The following ZHX2 variants were observed in gnomAD, a reference collection of about 807,000 sequenced individuals.
ZHX2 encodes the protein zinc fingers and homeoboxes 2, also known as zinc fingers and homeoboxes protein 2.
In ZHX2, 6 loss-of-function variants were observed where a neutral mutation model predicts 21.9. That is an observed-to-expected ratio of 0.27 (90% CI 0.15 to 0.54). ZHX2 has a LOEUF of 0.54. Among genes scored for constraint, ZHX2 ranks in the 20% least tolerant of loss-of-function variants. The pLI is 0.95. For missense variants in ZHX2, 908 were observed against 1,090.7 expected (o/e 0.83, Z 2.36); for synonymous variants, 434 against 437.1 (o/e 0.99, Z 0.09).
intron 1 of ZHX2, among the ~76,000 whole-genome samples, chr8:122,796,391 G>GTGGGATGT (rs1210695086): frequency 6.6e-6 from 1 of 152,146 alleles, no homozygotes; most frequent in Non-Finnish European, 1.5e-5. Flanking sequence ...CAGTGGGATG[G>GTGGGATGT]TGGGATTATT....
rs147430109 is a variant in ZHX2 at position 122,953,746 on chromosome 8, G to T, written c.2236G>T (p.Val746Leu). 15 of 1,614,260 alleles carry T rather than the reference G, an allele frequency of 9.3e-6. No homozygotes were observed. Among genetic ancestry groups the T allele is most frequent in the African/African-American group, 1.3e-5 (1 of 75,070 alleles). The change falls in exon 3 of 4, where the codon GTG (valine) becomes TTG (leucine). Residue 746 changes from valine (V) to leucine (L), a missense_variant. Val to Leu is a conservative substitution (Grantham distance 32, BLOSUM62 1). Coordinates refer to ENST00000314393, the MANE Select transcript of ZHX2 (RefSeq NM_014943.5). This position sits in a 1 kb window ranked among gnomAD's most constrained non-coding sequence, Gnocchi z 4.6. ...KLCEEDLEKLVTRVKVGSEPA... is the reference protein window; with the variant it reads ...KLCEEDLEKLLTRVKVGSEPA... ...CTGCGAAGAGGACTTGGAGAAGTTG[G>T]TGACCAGGGTAAAAGTAGGCAGCGA...
intron 1 of ZHX2, among the ~76,000 whole-genome samples, chr8:122,846,149 G>A (rs1422893097): frequency 6.6e-6 from 1 of 152,172 alleles, no homozygotes; most frequent in Non-Finnish European, 1.5e-5. Context: ...GGCAGAGAGG[G>A]GAGGAGGCAT....
intron 3 of ZHX2, among the ~76,000 whole-genome samples, chr8:122,970,278 C>G (rs1379804813): frequency 6.6e-6 from 1 of 152,222 alleles, no homozygotes; most frequent in Non-Finnish European, 1.5e-5. Flanking sequence ...GAAATGTGGA[C>G]TTTGTCACCA....
chr8:122,800,588 G>A (rs988604974), intron 1 of ZHX2, among the ~76,000 whole-genome samples: 1 of 152,216 alleles, frequency 6.6e-6, no homozygotes, highest in African/African-American at 2.4e-5. Flanking sequence ...TATCCAGGAT[G>A]CAAGCACTTA....
chr8:122,957,304 A>G (rs1484846907), intron 3 of ZHX2, among the ~76,000 whole-genome samples: 1 of 151,360 alleles, frequency 6.6e-6, no homozygotes, highest in Non-Finnish European at 1.5e-5. Context: ...CACAAAAAAA[A>G]AAAAAAAAAA....
At chr8:122,879,683 C>A (rs1308104431) in intron 2 of ZHX2, among the ~76,000 whole-genome samples, 4 of 152,142 alleles carry the variant, frequency 2.6e-5, no homozygotes, top group Non-Finnish European at 4.4e-5. Flanking sequence ...TACCCCAGCC[C>A]TATTTCTACC....
chr8:122,829,394 C>G (rs1818324740), intron 1 of ZHX2, among the ~76,000 whole-genome samples: 1 of 152,224 alleles, frequency 6.6e-6, no homozygotes, highest in South Asian at 2.1e-4. Flanking sequence ...GCTTCAAGAA[C>G]TTATAACAAT....
chr8:122,904,075 C>G (rs997426298), intron 2 of ZHX2, among the ~76,000 whole-genome samples: 4 of 152,184 alleles, frequency 2.6e-5, no homozygotes, highest in Non-Finnish European at 5.9e-5. Flanking sequence ...TGTTTCTTTT[C>G]TTTGTTTGGC....
intron 2 of ZHX2, among the ~76,000 whole-genome samples, chr8:122,920,569 G>T (rs760250823): frequency 7.9e-4 from 120 of 152,152 alleles, no homozygotes; most frequent in Non-Finnish European, 1.6e-3. Context: ...TGTATGATTT[G>T]CCTTCTCTGG....
At chr8:122,957,458 ATTGTT>A (rs34465971) in intron 3 of ZHX2, among the ~76,000 whole-genome samples, 43,490 of 149,770 alleles carry the variant, frequency 0.29, 6,577 homozygotes, top group East Asian at 0.59. Context: ...TTGGAGGTCC[ATTGTT>A]TTGTTTTGTT....
intron 3 of ZHX2, among the ~76,000 whole-genome samples, chr8:122,959,989 A>G (rs1813404476): frequency 6.6e-6 from 1 of 152,186 alleles, no homozygotes; most frequent in South Asian, 2.1e-4. Flanking sequence ...GACATTCCTA[A>G]TAAGTGATTT....
chr8:122,793,512 T>C (rs13250352), intron 1 of ZHX2, among the ~76,000 whole-genome samples: 64,019 of 152,050 alleles, frequency 0.42, 13,707 homozygotes, highest in African/African-American at 0.44. Context: ...ACCTGCTGGA[T>C]GATACTTGGG....
At chr8:122,810,220 A>G (rs1379838926) in intron 1 of ZHX2, among the ~76,000 whole-genome samples, 2 of 152,248 alleles carry the variant, frequency 1.3e-5, no homozygotes, top group African/African-American at 4.8e-5. Context: ...TATGAGCTGC[A>G]GTGACACATA....
intron 2 of ZHX2, among the ~76,000 whole-genome samples, chr8:122,869,373 G>A (rs1334499182): frequency 1.3e-5 from 2 of 151,694 alleles, no homozygotes; most frequent in Non-Finnish European, 2.9e-5. Flanking sequence ...TGTCGCCCAG[G>A]CTGGAGTGCA....
intron 2 of ZHX2, among the ~76,000 whole-genome samples, chr8:122,947,994 C>T (rs972478059): frequency 4.6e-5 from 7 of 152,106 alleles, no homozygotes; most frequent in Non-Finnish European, 8.8e-5. Context: ...GCCCTCTTCT[C>T]TGGTTTGCCC....
chr8:122,894,685 T>C (rs1164732151), intron 2 of ZHX2, among the ~76,000 whole-genome samples: 3 of 152,116 alleles, frequency 2.0e-5, no homozygotes, highest in Non-Finnish European at 4.4e-5. Context: ...TTAGGAGATA[T>C]ACCTAATGTT....
intron 2 of ZHX2, among the ~76,000 whole-genome samples, chr8:122,882,619 T>C (rs955692294): frequency 6.6e-6 from 1 of 152,046 alleles, no homozygotes; most frequent in African/African-American, 2.4e-5. Context: ...GCCTGAGTGG[T>C]CTGCTCACTC....
intron 2 of ZHX2, among the ~76,000 whole-genome samples, chr8:122,889,953 A>G (rs1279700554): frequency 6.6e-6 from 1 of 152,174 alleles, no homozygotes; most frequent in Non-Finnish European, 1.5e-5. Context: ...TACTATGCAG[A>G]AACTTTTTAG....
At chr8:122,939,787 T>C (rs1329583564) in intron 2 of ZHX2, among the ~76,000 whole-genome samples, 3 of 151,566 alleles carry the variant, frequency 2.0e-5, no homozygotes, top group African/African-American at 7.3e-5. Context: ...CATGACCAGG[T>C]GAGATGAGCT....
Sources: allele counts gnomAD v4.1 joint callset (sites outside exome capture counted in the v4.1 genomes callset), GRCh38; gene constraint gnomAD v4.1.1; non-coding constraint Gnocchi (gnomAD v3.1); transcripts MANE v1.5; gene names NCBI Gene and HGNC (gene_info 2026-07-23, HGNC 2026-07-21).